The following SMC1B variants were observed in gnomAD, a reference collection of about 807,000 sequenced individuals.
The protein encoded by SMC1B is structural maintenance of chromosomes protein 1B.
A neutral mutation model predicts 157.9 loss-of-function variants in SMC1B; 60 were observed. That is an observed-to-expected ratio of 0.38 (90% CI 0.31 to 0.47). The LOEUF (loss-of-function observed/expected upper bound fraction) is 0.47. SMC1B is among the 20% of genes least tolerant of loss of function. SMC1B has a pLI of 0.99. For missense variants in SMC1B, 1,165 were observed against 1,426.2 expected (o/e 0.82, Z 2.95); for synonymous variants, 445 against 483.0 (o/e 0.92, Z 1.03).
chr22:45,410,695 T>C (rs988120132), intron 1 of SMC1B, among the ~76,000 whole-genome samples: 3 of 152,154 alleles, frequency 2.0e-5, no homozygotes, highest in African/African-American at 7.2e-5. Flanking sequence ...AGAGCAAGAC[T>C]CCATCTCAAG....
At chr22:45,374,395 G>A (rs1001787323) in intron 12 of SMC1B, among the ~76,000 whole-genome samples, 1 of 152,096 alleles carries the variant, frequency 6.6e-6, no homozygotes, top group Non-Finnish European at 1.5e-5. Flanking sequence ...TGCAACATGT[G>A]TACAAATATC....
chr22:45,395,709 T>C (rs182316541), intron 7 of SMC1B, among the ~76,000 whole-genome samples: 18 of 152,160 alleles, frequency 1.2e-4, no homozygotes, highest in African/African-American at 4.3e-4. Flanking sequence ...AATACAAAAT[T>C]AGCCAAGCAT....
rs200460572 is a variant in SMC1B at position 45,406,823 on chromosome 22, C to T, written c.341G>A (p.Arg114His). 1.5e-4 allele frequency: 235 copies of T among 1,586,760 alleles called. No individual in the cohort carries two copies. The highest frequency in any genetic ancestry group is 1.9e-4 in the Non-Finnish European group (222 of 1,173,022). ...TTCCAACTCTGCAATGTAAACAGAA[C>T]GACTCACAAGATTATCATTAAAGCG... ...EFRFNDNLVS[R>H]SVYIAELEKI... The change falls in exon 3 of 25, where the codon CGT (arginine) becomes CAT (histidine). Residue 114 changes from arginine to histidine, a missense_variant. Arg to His is a conservative substitution (Grantham distance 29). Coordinates refer to ENST00000357450, the MANE Select transcript of SMC1B (RefSeq NM_148674.5).
chr22:45,347,793 T>G (rs1302934740), intron 23 of SMC1B, among the ~76,000 whole-genome samples: 1 of 152,104 alleles, frequency 6.6e-6, no homozygotes, highest in East Asian at 1.9e-4. Flanking sequence ...GAAATACATC[T>G]CTCAACATGA....
chr22:45,397,458 GAGAC>G (rs2087138173), intron 6 of SMC1B, among the ~76,000 whole-genome samples: 1 of 152,166 alleles, frequency 6.6e-6, no homozygotes, highest in Admixed American at 6.5e-5. Context: ...ATAGCAGCAG[GAGAC>G]AGACAAATCC....
intron 11 of SMC1B, among the ~76,000 whole-genome samples, chr22:45,384,149 C>A (rs1602076539): frequency 6.6e-6 from 1 of 152,124 alleles, no homozygotes; most frequent in Admixed American, 6.6e-5. Flanking sequence ...AGTGAGGTTG[C>A]ATTTTCATGT....
chr22:45,369,843 C>T, intron 15 of SMC1B, 111 bp downstream of exon 15: 1 of 702,518 alleles, frequency 1.4e-6, no homozygotes, highest in South Asian at 1.9e-5. Context: ...CGTGCCCGGC[C>T]TAGCTGTTTC....
intron 11 of SMC1B, among the ~76,000 whole-genome samples, chr22:45,386,259 A>C (rs990036660): frequency 6.6e-6 from 1 of 152,010 alleles, no homozygotes; most frequent in East Asian, 1.9e-4. Context: ...TAAAAAAAAA[A>C]CTATGTCAGA....
chr22:45,367,096 T>C (rs1391137309), intron 15 of SMC1B, among the ~76,000 whole-genome samples: 4 of 152,224 alleles, frequency 2.6e-5, no homozygotes, highest in Admixed American at 1.3e-4. Flanking sequence ...GCTTGCCTAC[T>C]AGTCTCACTA....
At chr22:45,392,676 A>C (rs565889492) in intron 9 of SMC1B, among the ~76,000 whole-genome samples, 2 of 152,176 alleles carry the variant, frequency 1.3e-5, no homozygotes, top group Non-Finnish European at 2.9e-5. Flanking sequence ...AAACCATGAA[A>C]GTGTGGATAT....
chr22:45,386,297 A>C (rs136590), intron 11 of SMC1B, among the ~76,000 whole-genome samples: 94,381 of 151,816 alleles, frequency 0.62, 31,822 homozygotes, highest in African/African-American at 0.89. Flanking sequence ...TGCTCAACTA[A>C]ATACAAATAT....
Position 45,372,716 on chromosome 22 carries a change from C to CTTTTTTTTT in SMC1B, c.2059-433_2059-425dup, listed in dbSNP as rs136574. 7.3e-5 allele frequency among the ~76,000 whole-genome samples: 9 copies of CTTTTTTTTT among 123,578 alleles called. 1 individual carries two copies. Among genetic ancestry groups the CTTTTTTTTT allele is most frequent in the Non-Finnish European group, 1.3e-4 (8 of 62,122 alleles). 81.1% of individuals were successfully genotyped at this position (123,578 alleles called of 152,430 possible). A position where few individuals can be genotyped will look rare whatever the true frequency, so the allele number is the denominator to read the frequency against. ...ACACTCCCTCCCATTGACTCCAGGT[C>CTTTTTTTTT]TTTTTTTTTTTTTTGAGACAGAGTC... On this transcript the variant is annotated intron_variant, in intron 12 of 24. Transcript: ENST00000357450.
intron 18 of SMC1B, among the ~76,000 whole-genome samples, chr22:45,359,069 CA>C (rs1378657819): frequency 6.6e-6 from 1 of 151,908 alleles, no homozygotes; most frequent in African/African-American, 2.4e-5. Context: ...ATCTGTAAAA[CA>C]AAAACAAAAA....
chr22:45,379,391 C>T (rs550774228), intron 12 of SMC1B, among the ~76,000 whole-genome samples: 1 of 152,154 alleles, frequency 6.6e-6, no homozygotes, highest in East Asian at 1.9e-4. Context: ...TCATGTTTAC[C>T]GTAATCACTG....
chr22:45,373,389 C>A (rs781006893), intron 12 of SMC1B, among the ~76,000 whole-genome samples: 6 of 152,198 alleles, frequency 3.9e-5, no homozygotes, highest in African/African-American at 9.6e-5. Flanking sequence ...AATAATCTAT[C>A]CTTTTCTCAC....
At chr22:45,391,588 C>T (rs563871494) in intron 9 of SMC1B, among the ~76,000 whole-genome samples, 60 of 152,228 alleles carry the variant, frequency 3.9e-4, no homozygotes, top group Middle Eastern at 3.4e-3. Context: ...TTTGCTATGG[C>T]GGATAACTTT....
At chr22:45,412,862 C>CAA (rs138767234) in intron 1 of SMC1B, among the ~76,000 whole-genome samples, 2,795 of 152,238 alleles carry the variant, frequency 0.018, 87 homozygotes, top group African/African-American at 0.065. Context: ...CCCTTGGATC[C>CAA]AAATGGTGGT....
chr22:45,402,217 A>C (rs1431522709), intron 5 of SMC1B, 116 bp downstream of exon 5: 2 of 767,662 alleles, frequency 2.6e-6, no homozygotes, highest in African/African-American at 3.5e-5. Context: ...TATATCTAAA[A>C]GTATTCCAAA....
At position 45,399,149 on chromosome 22, in the gene SMC1B, C is replaced by G; in HGVS notation, c.1059G>C (p.Gln353His). Residue 353 changes from glutamine to histidine, a missense_variant, in exon 6 of 25, where the codon CAG becomes CAC. Coordinates refer to ENST00000357450, the MANE Select transcript of SMC1B (RefSeq NM_148674.5). ...TTTTATGTAAAATTTCTTCCTCAAT[C>G]TGCTTTTCAAAACTTCTCCATGCAG... ...LDAAWRSFEKQIEEEILHKKR... is the reference protein window; with the variant it reads ...LDAAWRSFEKHIEEEILHKKR... 1 of 1,613,986 alleles carries G rather than the reference C, an allele frequency of 6.2e-7. No homozygotes were observed. The highest frequency in any genetic ancestry group is 1.1e-5 in the South Asian group (1 of 91,020).
Sources: gnomAD v4.1 joint callset for allele counts (sites outside exome capture counted in the v4.1 genomes callset) on GRCh38, gnomAD v4.1.1 for gene constraint, MANE v1.5 for transcripts, NCBI Gene and HGNC (gene_info 2026-07-23, HGNC 2026-07-21) for gene names.